UQCC1: variants seen among roughly 807,000 people sequenced by gnomAD.
UQCC1 encodes ubiquinol-cytochrome c reductase complex assembly factor 1, also known as bFGF-repressed Zic-binding protein.
Under a neutral mutation model 48.0 loss-of-function variants are expected in UQCC1, and 38 were observed. That is an observed-to-expected ratio of 0.79 (90% CI 0.61 to 1.04). The LOEUF is 1.04. UQCC1 is among the 50% of genes least tolerant of loss of function. The pLI, the probability that UQCC1 is intolerant of heterozygous loss-of-function variation, is 0.00. For missense variants in UQCC1, 368 were observed against 381.8 expected (o/e 0.96, Z 0.30); for synonymous variants, 111 against 129.2 (o/e 0.86, Z 0.95).
At chr20:35,329,743 C>T (rs555032138) in intron 7 of UQCC1, among the ~76,000 whole-genome samples, 2 of 152,254 alleles carry the variant, frequency 1.3e-5, no homozygotes, top group East Asian at 3.9e-4. Context: ...TGGTGGTACC[C>T]AATGCAGGGG....
intron 7 of UQCC1, among the ~76,000 whole-genome samples, chr20:35,321,197 C>T (rs1017753587): frequency 6.6e-6 from 1 of 151,678 alleles, no homozygotes; most frequent in African/African-American, 2.4e-5. Context: ...ACATGCATTA[C>T]GACTGAAAGA....
At chr20:35,406,188 C>G (rs79069732) in intron 1 of UQCC1, among the ~76,000 whole-genome samples, 1 of 151,918 alleles carries the variant, frequency 6.6e-6, no homozygotes, top group African/African-American at 2.4e-5. Context: ...AGAAAAGGAC[C>G]GAAAAATATT....
chr20:35,336,861 A>C (rs1168854403), intron 7 of UQCC1, among the ~76,000 whole-genome samples: 1 of 152,202 alleles, frequency 6.6e-6, no homozygotes, highest in Non-Finnish European at 1.5e-5. Context: ...GAAAAAAAGA[A>C]AGTGCTCAAT....
chr20:35,332,186 C>T (rs2061265336), intron 7 of UQCC1, among the ~76,000 whole-genome samples: 1 of 152,236 alleles, frequency 6.6e-6, no homozygotes, highest in Non-Finnish European at 1.5e-5. Context: ...GGGGCCCTCA[C>T]TAGATTTTGG....
At chr20:35,312,165 A>G (rs2061001653) in intron 8 of UQCC1, among the ~76,000 whole-genome samples, 1 of 152,180 alleles carries the variant, frequency 6.6e-6, no homozygotes, top group Admixed American at 6.5e-5. Flanking sequence ...ATCCTTTTCT[A>G]TATTGTAAGG....
chr20:35,334,160 A>G (rs942085795), intron 7 of UQCC1, among the ~76,000 whole-genome samples: 2 of 152,290 alleles, frequency 1.3e-5, no homozygotes, highest in Admixed American at 6.5e-5. Flanking sequence ...AGAAAACCCA[A>G]ATCTGGACCA....
chr20:35,355,565 G>T lies in UQCC1; in HGVS notation c.465-8293C>A, dbSNP rs777634589. Among the ~76,000 whole-genome samples the T allele has an allele frequency of 2.6e-5, 4 of 152,230 alleles. 1 individual carries two copies. The highest frequency in any genetic ancestry group is 5.9e-5 in the Non-Finnish European group (4 of 68,040). Reference sequence around the variant, plus strand: ...GGGCCAAAATCTTAAGAAGTCAGCTGCCTGGAATGTCCAGACAAGCAGCTG... The same window carrying T: ...GGGCCAAAATCTTAAGAAGTCAGCTTCCTGGAATGTCCAGACAAGCAGCTG... On this transcript the variant is annotated intron_variant, in intron 6 of 9. Coordinates refer to ENST00000374385, the MANE Select transcript of UQCC1 (RefSeq NM_018244.5).
chr20:35,398,787 G>A (rs2062119857), intron 1 of UQCC1, among the ~76,000 whole-genome samples: 1 of 149,448 alleles, frequency 6.7e-6, no homozygotes. Flanking sequence ...GGGGGAGCAA[G>A]AGGAAATTAC....
chr20:35,324,537 A>G (rs905238527), intron 7 of UQCC1, among the ~76,000 whole-genome samples: 1 of 152,204 alleles, frequency 6.6e-6, no homozygotes, highest in Non-Finnish European at 1.5e-5. Flanking sequence ...CGTGTTAGCC[A>G]GGATGGTCTC....
At chr20:35,322,058 T>C (rs1482876223) in intron 7 of UQCC1, among the ~76,000 whole-genome samples, 2 of 152,212 alleles carry the variant, frequency 1.3e-5, no homozygotes, top group African/African-American at 4.8e-5. Flanking sequence ...AATTTAACTT[T>C]CGTCTCTTTT....
chr20:35,306,688 A>G lies in UQCC1; in HGVS notation c.743T>C (p.Leu248Pro). Reference sequence around the variant, plus strand: ...CACCTGTTTCCTCACATACTCTACCAGCAATTCAAGATGTCGAGGGTCTTC... The same window carrying G: ...CACCTGTTTCCTCACATACTCTACCGGCAATTCAAGATGTCGAGGGTCTTC... ...KCEDPRHLEL[L>P]VEYVRKQIQY... The change falls in exon 9 of 10, where the codon CTG becomes CCG. Residue 248 changes from leucine (L) to proline (P), a missense_variant. Coordinates refer to ENST00000374385, the MANE Select transcript of UQCC1 (RefSeq NM_018244.5). The G allele has an allele frequency of 6.2e-7, 1 of 1,613,842 alleles. No homozygotes were observed. The highest frequency in any genetic ancestry group is 1.1e-5 in the South Asian group (1 of 91,078).
intron 7 of UQCC1, among the ~76,000 whole-genome samples, chr20:35,331,320 G>A (rs2061254451): frequency 6.6e-6 from 1 of 150,436 alleles, no homozygotes; most frequent in East Asian, 2.0e-4. Flanking sequence ...CCTGGGAGCA[G>A]AAAGGGGTCA....
intron 6 of UQCC1, among the ~76,000 whole-genome samples, chr20:35,350,444 C>A (rs1312333394): frequency 6.6e-6 from 1 of 151,208 alleles, no homozygotes; most frequent in Non-Finnish European, 1.5e-5. Flanking sequence ...CACCTGTAAT[C>A]CTAGCACTTT....
chr20:35,341,072 A>G (rs2146371345), intron 7 of UQCC1, among the ~76,000 whole-genome samples: 1 of 151,990 alleles, frequency 6.6e-6, no homozygotes, highest in African/African-American at 2.4e-5. Context: ...AAAATTACAA[A>G]CATTAGCCGG....
intron 8 of UQCC1, among the ~76,000 whole-genome samples, chr20:35,309,530 A>T (rs1251806310): frequency 6.6e-6 from 1 of 152,130 alleles, no homozygotes; most frequent in Non-Finnish European, 1.5e-5. Context: ...CAAATGAGAG[A>T]CTAATCTGAG....
In UQCC1 at chr20:35,374,254, C is replaced by T; in HGVS notation, c.336G>A (p.Lys112=). 6.2e-7 allele frequency: 1 copy of T among 1,609,946 alleles called. No homozygotes were observed. Among genetic ancestry groups the T allele is most frequent in the Non-Finnish European group, 8.5e-7 (1 of 1,178,544 alleles). Reference sequence around the variant, plus strand: ...ACATGCGCAGGGCCGCAATCTTAATCTTCTAGACAAAGAGAATAAAACCAA... The same window carrying T: ...ACATGCGCAGGGCCGCAATCTTAATTTTCTAGACAAAGAGAATAAAACCAA... The part of the protein sequence containing the change: ...FTGPLKYSKW[K]IKIAALRMYT... Residue 112 remains lysine (K), a splice_region_variant and synonymous_variant, in exon 5 of 10, where the codon AAG becomes AAA. Transcript: ENST00000374385.
chr20:35,345,629 T>C (rs1320553071), intron 7 of UQCC1: 1 of 152,134 alleles, frequency 6.6e-6, no homozygotes, highest in Non-Finnish European at 1.5e-5. Flanking sequence ...AATGGTTACT[T>C]TTCTCCTTCC....
rs1600973489 is a variant in UQCC1 at position 35,375,449 on chromosome 20, C to G, written c.334-1193G>C. Among the ~76,000 whole-genome samples the G allele has an allele frequency of 2.0e-5, 3 of 152,032 alleles. No homozygotes were observed. The East Asian group carries it at 5.8e-4, about 29-fold the overall frequency. On this transcript the variant is annotated intron_variant, in intron 4 of 9. Transcript: ENST00000374385. ...AAGAGCTTCCAGTCTAAAGTTAATA[C>G]AGGGGAAAATAGGACATATAGAAAT...
At chr20:35,326,637 G>A (rs2061198289) in intron 7 of UQCC1, among the ~76,000 whole-genome samples, 1 of 152,126 alleles carries the variant, frequency 6.6e-6, no homozygotes, top group African/African-American at 2.4e-5. Flanking sequence ...CATTCTGACT[G>A]CAGCCATGAG....
Sources: gnomAD v4.1 joint callset for allele counts (sites outside exome capture counted in the v4.1 genomes callset) on GRCh38, gnomAD v4.1.1 for gene constraint, MANE v1.5 for transcripts, NCBI Gene and HGNC (gene_info 2026-07-23, HGNC 2026-07-21) for gene names.